The following ASXL3 variants were observed in gnomAD, a reference collection of about 807,000 sequenced individuals.
ASXL3 encodes putative Polycomb group protein ASXL3.
ASXL3 carries 34 observed loss-of-function variants against 170.6 expected under a neutral mutation model. That is an observed-to-expected ratio of 0.20 (90% CI 0.15 to 0.27). The LOEUF (loss-of-function observed/expected upper bound fraction) is 0.27, where lower values mean the gene tolerates loss of function less well. Ranked by LOEUF, ASXL3 falls within the 10% of genes least tolerant of loss-of-function variation. ASXL3 has a pLI of 1.00. For missense variants in ASXL3, 2,592 were observed against 2,695.3 expected (o/e 0.96, Z 0.85); for synonymous variants, 1,002 against 989.1 (o/e 1.01, Z -0.24).
At chr18:33,681,363 A>G (rs2066511699) in intron 7 of ASXL3, among the ~76,000 whole-genome samples, 1 of 152,140 alleles carries the variant, frequency 6.6e-6, no homozygotes, top group Non-Finnish European at 1.5e-5. Flanking sequence ...ACTAGTGGTT[A>G]TTTCAGCAAG....
At chr18:33,580,663 T>A (rs985526848) in intron 1 of ASXL3, among the ~76,000 whole-genome samples, 3 of 152,192 alleles carry the variant, frequency 2.0e-5, no homozygotes, top group African/African-American at 7.2e-5. Context: ...TGTATTGATA[T>A]AATTTGAAAG....
intron 2 of ASXL3, among the ~76,000 whole-genome samples, chr18:33,638,545 A>G (rs185642779): frequency 1.0e-3 from 157 of 152,324 alleles, no homozygotes; most frequent in Admixed American, 2.7e-3. Flanking sequence ...TTAAAAATGT[A>G]TTTCCTTGAA....
chr18:33,736,276 T>C (rs2067545508), intron 10 of ASXL3, among the ~76,000 whole-genome samples: 2 of 152,098 alleles, frequency 1.3e-5, no homozygotes, highest in Admixed American at 6.6e-5. Context: ...AGCTATGATA[T>C]TATAAATAAA....
At chr18:33,615,068 G>A (rs1046616889) in intron 2 of ASXL3, among the ~76,000 whole-genome samples, 1 of 152,188 alleles carries the variant, frequency 6.6e-6, no homozygotes, top group East Asian at 1.9e-4. Context: ...AGCATTGAAA[G>A]CAAACCTTGA....
Position 33,713,229 on chromosome 18 carries a change from G to GTTTTTTTTTTTTTT in ASXL3, c.880-18731_880-18730insTTTTTTTTTTTTTT, listed in dbSNP as rs1478922106. ...GCAGTTAGCAATCTACCACAAGAAG[G>GTTTTTTTTTTTTTT]TTTTTTTTGTTTTGTTTTGTTTTTT... is the stretch of plus-strand genomic sequence containing the variant. On this transcript the variant is annotated intron_variant, in intron 8 of 11. Transcript: ENST00000269197. Among the ~76,000 whole-genome samples, 56 of 81,764 alleles carry GTTTTTTTTTTTTTT rather than the reference G, an allele frequency of 6.8e-4. 16 individuals carry two copies. The highest frequency in any genetic ancestry group is 6.7e-3 in the Middle Eastern group (1 of 150). 53.6% of individuals were successfully genotyped at this position (81,764 alleles called of 152,430 possible).
intron 8 of ASXL3, among the ~76,000 whole-genome samples, chr18:33,700,719 G>A (rs1297930506): frequency 6.6e-6 from 1 of 152,216 alleles, no homozygotes; most frequent in East Asian, 1.9e-4. Flanking sequence ...TTCCAAAAGT[G>A]TTGGCTATAG....
chr18:33,639,783 T>G (rs1016114941), intron 2 of ASXL3, among the ~76,000 whole-genome samples: 3 of 152,200 alleles, frequency 2.0e-5, no homozygotes, highest in Admixed American at 1.3e-4. Context: ...AATTCAAATG[T>G]ATGTCTCTAC....
rs1486270343 is a variant in ASXL3 at position 33,720,305 on chromosome 18, T to TGTGTTA, written c.880-11663_880-11662insGTGTTA. ...GTTTGTTAAAGAAAGGAATGACTAA[T>TGTGTTA]AGATAGTCACTTAAACACAGCTGTT... On this transcript the variant is annotated intron_variant, in intron 8 of 11. Transcript: ENST00000269197. 3.0e-3 allele frequency among the ~76,000 whole-genome samples: 459 copies of TGTGTTA among 152,132 alleles called. 2 individuals are homozygous for TGTGTTA. Among genetic ancestry groups the TGTGTTA allele is most frequent in the Non-Finnish European group, 5.9e-3 (398 of 67,954 alleles).
At chr18:33,708,774 A>C (rs1283897642) in intron 8 of ASXL3, among the ~76,000 whole-genome samples, 1 of 152,186 alleles carries the variant, frequency 6.6e-6, no homozygotes, top group African/African-American at 2.4e-5. Context: ...ACTTACGTAG[A>C]GATCTCACAC....
At chr18:33,592,165 G>A (rs1599374940) in intron 1 of ASXL3, among the ~76,000 whole-genome samples, 1 of 152,176 alleles carries the variant, frequency 6.6e-6, no homozygotes, top group South Asian at 2.1e-4. Flanking sequence ...CACATGAAAG[G>A]TATCATCTAG....
chr18:33,615,171 C>G (rs529230597), intron 2 of ASXL3, among the ~76,000 whole-genome samples: 1 of 152,220 alleles, frequency 6.6e-6, no homozygotes, highest in Non-Finnish European at 1.5e-5. Flanking sequence ...ATATAGCCAC[C>G]TTTGTCAATG....
Position 33,750,042 on chromosome 18 carries a change from C to G in ASXL3, c.*3447C>G, listed in dbSNP as rs2067859975. On this transcript the variant is annotated 3_prime_UTR_variant, in exon 12 of 12. Transcript: ENST00000269197. ...GTAATGAAGTCCCAGGTTTTAGAAG[C>G]TGAAGCCAAGCCTAGGGTAGCATCG... 6.6e-6 allele frequency: 1 copy of G among 152,262 alleles called. No homozygotes were observed. The highest frequency in any genetic ancestry group is 1.5e-5 in the Non-Finnish European group (1 of 68,088). The allele number at this position is 152,262 out of a possible 1,614,324, so 9.4% of individuals were successfully genotyped here. A position where few individuals can be genotyped will look rare whatever the true frequency, so the allele number is the denominator to read the frequency against.
chr18:33,666,742 A>C (rs1314822068), intron 5 of ASXL3, among the ~76,000 whole-genome samples: 1 of 152,216 alleles, frequency 6.6e-6, no homozygotes, highest in African/African-American at 2.4e-5. Context: ...CACAGGACTA[A>C]GAGAAGGCCA....
At chr18:33,685,780 A>G (rs1281959609) in intron 8 of ASXL3, among the ~76,000 whole-genome samples, 1 of 152,186 alleles carries the variant, frequency 6.6e-6, no homozygotes, top group Non-Finnish European at 1.5e-5. Context: ...AGAGGAAGGA[A>G]GTGCCAGACT....
intron 1 of ASXL3, among the ~76,000 whole-genome samples, chr18:33,584,483 TTTG>T (rs2065019437): frequency 6.6e-6 from 1 of 152,118 alleles, no homozygotes; most frequent in Non-Finnish European, 1.5e-5. Context: ...ACGATATGTA[TTTG>T]TACAGTGATG....
chr18:33,605,461 G>C (rs1204098765), intron 1 of ASXL3: 1 of 152,138 alleles, frequency 6.6e-6, no homozygotes, highest in Non-Finnish European at 1.5e-5. Context: ...CTGGTGTTTT[G>C]TGTGGCTTCA....
At position 33,694,255 on chromosome 18, in the gene ASXL3, G is replaced by A. The variant is rs565100275; in HGVS notation, c.879+10687G>A. Among the ~76,000 whole-genome samples the A allele has an allele frequency of 3.3e-5, 5 of 152,140 alleles. No individual in the cohort carries two copies. In the South Asian group the frequency reaches 1.0e-3, roughly 31 times the overall value. Reference sequence around the variant, plus strand: ...TTGTGCATAGCGTTCTGCAAGATGTGCTTGGAGAATTTTTAGAACCTCCTT... The same window carrying A: ...TTGTGCATAGCGTTCTGCAAGATGTACTTGGAGAATTTTTAGAACCTCCTT... On this transcript the variant is annotated intron_variant, in intron 8 of 11. Coordinates refer to ENST00000269197, the MANE Select transcript of ASXL3 (RefSeq NM_030632.3).
intron 4 of ASXL3, among the ~76,000 whole-genome samples, chr18:33,653,851 G>A (rs541841776): frequency 6.7e-6 from 1 of 150,342 alleles, no homozygotes; most frequent in South Asian, 2.1e-4. Context: ...TTTTAATTAA[G>A]CTAATTTGCT....
rs1283520446 is a variant in ASXL3 at position 33,744,358 on chromosome 18, C to T, written c.4510C>T (p.Pro1504Ser). 6.2e-7 allele frequency: 1 copy of T among 1,613,972 alleles called. No homozygotes were observed. Among genetic ancestry groups the T allele is most frequent in the South Asian group, 1.1e-5 (1 of 91,080 alleles). Reference protein sequence around the residue: ...SEASLDLQGRPVRTEASVQPV... With the variant: ...SEASLDLQGRSVRTEASVQPV... ...AGCCAGCTTGGACCTGCAGGGCAGA[C>T]CAGTGAGGACAGAGGCATCCGTACA... The change falls in exon 12 of 12, where the codon CCA becomes TCA. Residue 1504 changes from proline to serine, a missense_variant. By Grantham distance (74) the Pro-to-Ser change is moderately conservative. Transcript: ENST00000269197.
Sources: allele counts gnomAD v4.1 joint callset (sites outside exome capture counted in the v4.1 genomes callset), GRCh38; gene constraint gnomAD v4.1.1; transcripts MANE v1.5; gene names NCBI Gene and HGNC (gene_info 2026-07-23, HGNC 2026-07-21).